CNTNAP2: variants seen among roughly 807,000 people sequenced by gnomAD.
CNTNAP2 encodes contactin associated protein 2, also known as contactin-associated protein-like 2.
In CNTNAP2, 98 loss-of-function variants were observed where a neutral mutation model predicts 155.2. The ratio of observed to expected loss-of-function variants is 0.63; its 90% CI spans 0.54 to 0.75. CNTNAP2 has a LOEUF of 0.75. CNTNAP2 is among the 30% of genes least tolerant of loss of function. The pLI, the probability that CNTNAP2 is intolerant of heterozygous loss-of-function variation, is 0.00. For synonymous variants in CNTNAP2, 651 were observed against 631.2 expected, an observed-to-expected ratio of 1.03 and a Z score of -0.47; for missense variants, 1,727 against 1,688.1, an observed-to-expected ratio of 1.02 and a Z score of -0.40.
At position 147,649,339 on chromosome 7, in the gene CNTNAP2, G is replaced by A. The variant is rs542654322; in HGVS notation, c.2098+10033G>A. 2.6e-5 allele frequency among the ~76,000 whole-genome samples: 4 copies of A among 152,220 alleles called. No individual in the cohort carries two copies. The East Asian group carries it at 7.7e-4, about 29-fold the overall frequency. ...GACTCTAACCTTTTGATTCTGAAAA[G>A]CCATGTTCAAATAAATACTTATTCT... is the stretch of plus-strand genomic sequence containing the variant. On this transcript the variant is annotated intron_variant, in intron 13 of 23. Coordinates refer to ENST00000361727, the MANE Select transcript of CNTNAP2 (RefSeq NM_014141.6).
chr7:148,063,288 T>C (rs1803191706), intron 15 of CNTNAP2, among the ~76,000 whole-genome samples: 1 of 152,076 alleles, frequency 6.6e-6, no homozygotes, highest in Non-Finnish European at 1.5e-5. Flanking sequence ...CCTTATGATA[T>C]ACCTCAGTGT....
At chr7:146,743,186 G>A (rs1282007079) in intron 1 of CNTNAP2, among the ~76,000 whole-genome samples, 1 of 152,126 alleles carries the variant, frequency 6.6e-6, no homozygotes, top group Non-Finnish European at 1.5e-5. Flanking sequence ...AAAAAACAAT[G>A]CTTGTGTTGT....
intron 21 of CNTNAP2, among the ~76,000 whole-genome samples, chr7:148,362,606 T>C (rs1798646528): frequency 6.6e-6 from 1 of 152,210 alleles, no homozygotes; most frequent in African/African-American, 2.4e-5. Flanking sequence ...TCTTCCTGCA[T>C]CTGTACTGCG....
intron 10 of CNTNAP2, among the ~76,000 whole-genome samples, chr7:147,474,078 T>G (rs1012800477): frequency 1.3e-5 from 2 of 150,904 alleles, no homozygotes; most frequent in African/African-American, 4.9e-5. Flanking sequence ...AAACTCCGTC[T>G]CTAAAAAAAA....
intron 11 of CNTNAP2, among the ~76,000 whole-genome samples, chr7:147,539,723 A>G (rs1226422230): frequency 2.0e-5 from 3 of 152,210 alleles, no homozygotes; most frequent in South Asian, 2.1e-4. Flanking sequence ...TTCTTTGCAT[A>G]CTATGGACCA....
chr7:147,260,568 A>G (rs1472723761), intron 8 of CNTNAP2, among the ~76,000 whole-genome samples: 1 of 152,214 alleles, frequency 6.6e-6, no homozygotes, highest in Admixed American at 6.5e-5. Context: ...TATCCACACT[A>G]TAATATTTCA....
At chr7:147,729,282 G>A (rs10225143) in intron 13 of CNTNAP2, among the ~76,000 whole-genome samples, 59,120 of 151,482 alleles carry the variant, frequency 0.39, 13,873 homozygotes, top group African/African-American at 0.66. Context: ...TCTCACCTCA[G>A]GTGTCCAGAC....
chr7:146,873,850 T>C (rs1239827512), intron 3 of CNTNAP2, among the ~76,000 whole-genome samples: 1 of 152,140 alleles, frequency 6.6e-6, no homozygotes, highest in Non-Finnish European at 1.5e-5. Flanking sequence ...TTTGAGTGAC[T>C]ATTATGTGGA....
chr7:146,533,032 G>A (rs901410670), intron 1 of CNTNAP2, among the ~76,000 whole-genome samples: 1 of 149,842 alleles, frequency 6.7e-6, no homozygotes, highest in Non-Finnish European at 1.5e-5. Context: ...AACCCGGGAG[G>A]CAGAGGTTGC....
chr7:147,867,280 A>G (rs1390285017), intron 13 of CNTNAP2, among the ~76,000 whole-genome samples: 1 of 151,714 alleles, frequency 6.6e-6, no homozygotes, highest in Non-Finnish European at 1.5e-5. Flanking sequence ...ATTGACCCCA[A>G]CTCTCTTCTG....
rs76566836 is a variant in CNTNAP2, at chr7:147,172,503, T to G, written c.1348+39994T>G. The stretch of plus-strand genomic sequence containing the variant: ...GCCATATACTCACTTACCTTTTAAT[T>G]TTGATGTTGATAATTAATTGAATCA... On this transcript the variant is annotated intron_variant, in intron 8 of 23. Transcript: ENST00000361727. Among the ~76,000 whole-genome samples the G allele has an allele frequency of 1.0e-3, 159 of 152,318 alleles. 1 individual carries two copies. The highest frequency in any genetic ancestry group is 3.6e-3 in the African/African-American group (151 of 41,570).
rs140066053 is a variant in CNTNAP2 at position 147,570,139 on chromosome 7, G to A, written c.1897+7882G>A. ...CCATTTGATTAACTCAAACCCACCA[G>A]TTTACAGCCCTTAATTACACCTGCA... On this transcript the variant is annotated intron_variant, in intron 12 of 23. Coordinates refer to ENST00000361727, the MANE Select transcript of CNTNAP2 (RefSeq NM_014141.6). Among the ~76,000 whole-genome samples, 184 of 150,538 alleles carry A rather than the reference G, an allele frequency of 1.2e-3. 1 individual carries two copies. The highest frequency in any genetic ancestry group is 3.4e-3 in the Middle Eastern group (1 of 294).
intron 8 of CNTNAP2, among the ~76,000 whole-genome samples, chr7:147,199,849 T>C (rs10085840): frequency 0.53 from 79,765 of 151,658 alleles, 21,451 homozygotes; most frequent in South Asian, 0.7. Flanking sequence ...AAAAAAAATT[T>C]TGTTTCATTA....
At chr7:146,177,340 G>A (rs1486877903) in intron 1 of CNTNAP2, among the ~76,000 whole-genome samples, 2 of 151,994 alleles carry the variant, frequency 1.3e-5, no homozygotes, top group Non-Finnish European at 2.9e-5. Flanking sequence ...ATCAACAAAG[G>A]CTGTGTATTC....
intron 4 of CNTNAP2, among the ~76,000 whole-genome samples, chr7:147,099,741 G>A (rs528841883): frequency 6.6e-6 from 1 of 152,214 alleles, no homozygotes; most frequent in African/African-American, 2.4e-5. Context: ...GACATTCTGA[G>A]GAGTTTCTTG....
chr7:146,682,550 C>T (rs368673907), intron 1 of CNTNAP2, among the ~76,000 whole-genome samples: 2 of 152,060 alleles, frequency 1.3e-5, no homozygotes, highest in Admixed American at 6.6e-5. Context: ...GGGTTGCACA[C>T]GTATCACTGG....
chr7:146,969,080 T>C (rs1478828085), intron 3 of CNTNAP2, among the ~76,000 whole-genome samples: 3 of 150,632 alleles, frequency 2.0e-5, no homozygotes, highest in Admixed American at 1.3e-4. Context: ...CCAGTAGTCA[T>C]TCAGGAGCAG....
chr7:147,018,852 T>G (rs1798770978), intron 3 of CNTNAP2, among the ~76,000 whole-genome samples: 1 of 151,944 alleles, frequency 6.6e-6, no homozygotes, highest in Non-Finnish European at 1.5e-5. Context: ...GGCATCTCCT[T>G]CTAAAAAGGA....
At chr7:147,817,105 A>C (rs1798277406) in intron 13 of CNTNAP2, among the ~76,000 whole-genome samples, 1 of 152,198 alleles carries the variant, frequency 6.6e-6, no homozygotes, top group Non-Finnish European at 1.5e-5. Context: ...TCCAGAATGA[A>C]GGACATTTTA....
Sources: allele counts gnomAD v4.1 joint callset (sites outside exome capture counted in the v4.1 genomes callset), GRCh38; gene constraint gnomAD v4.1.1; transcripts MANE v1.5; gene names NCBI Gene and HGNC (gene_info 2026-07-23, HGNC 2026-07-21).